FAT1: variants seen among roughly 807,000 people sequenced by gnomAD.
The protein encoded by FAT1 is FAT atypical cadherin 1.
FAT1 carries 171 observed loss-of-function variants against 329.8 expected under a neutral mutation model. That is an observed-to-expected ratio of 0.52 (90% CI 0.46 to 0.59). The LOEUF (loss-of-function observed/expected upper bound fraction) is 0.59, where lower values mean the gene tolerates loss of function less well. FAT1 is among the 20% of genes least tolerant of loss of function. The pLI, the probability that FAT1 is intolerant of heterozygous loss-of-function variation, is 0.00. For missense variants in FAT1, 5,672 were observed against 5,774.4 expected (o/e 0.98, Z 0.57); for synonymous variants, 2,233 against 2,228.6 (o/e 1.00, Z -0.06).
At chr4:186,700,997 G>A (rs1744281934) in intron 2 of FAT1, among the ~76,000 whole-genome samples, 1 of 152,190 alleles carries the variant, frequency 6.6e-6, no homozygotes, top group Non-Finnish European at 1.5e-5. Flanking sequence ...TCACAGCACG[G>A]TAAGCGTCAC....
intron 3 of FAT1, among the ~76,000 whole-genome samples, chr4:186,659,897 T>C (rs572339170): frequency 2.0e-5 from 3 of 147,126 alleles, no homozygotes; most frequent in African/African-American, 7.6e-5. Context: ...GCTCCTGCAC[T>C]CTACACACAC....
At chr4:186,721,057 A>G (rs1745449625) in intron 1 of FAT1, among the ~76,000 whole-genome samples, 1 of 152,250 alleles carries the variant, frequency 6.6e-6, no homozygotes, top group South Asian at 2.1e-4. Flanking sequence ...TCTGTGTTGC[A>G]GATTATCACA....
chr4:186,698,892 A>G (rs1241906380), intron 2 of FAT1, among the ~76,000 whole-genome samples: 1 of 152,226 alleles, frequency 6.6e-6, no homozygotes, highest in Non-Finnish European at 1.5e-5. Context: ...CACACCATAA[A>G]CTACATCAAC....
Position 186,708,157 on chromosome 4 carries a change from A to G in FAT1, c.1671T>C (p.Ile557=). The change falls in exon 2 of 27, where the codon ATT becomes ATC. Residue 557 remains isoleucine, a synonymous_variant. Transcript: ENST00000441802. Reference sequence around the variant, plus strand: ...TGTTGTCATTCAAGTTATTGAGAGTAATTGTAGCAAGGACTTCGACTTCCC... The same window carrying G: ...TGTTGTCATTCAAGTTATTGAGAGTGATTGTAGCAAGGACTTCGACTTCCC... The part of the protein sequence containing the change: ...YRREVEVLAT[I]TLNNLNDNTP... 1 of 1,613,990 alleles carries G rather than the reference A, an allele frequency of 6.2e-7. No individual in the cohort carries two copies. The highest frequency in any genetic ancestry group is 8.5e-7 in the Non-Finnish European group (1 of 1,179,892).
At position 186,606,199 on chromosome 4, in the gene FAT1, C is replaced by T. The variant is rs371432120; in HGVS notation, c.10221G>A (p.Thr3407=). Residue 3407 remains threonine (T), a synonymous_variant, in exon 17 of 27, where the codon ACG becomes ACA. Coordinates refer to ENST00000441802, the MANE Select transcript of FAT1 (RefSeq NM_005245.4). ...CATTATCAGAAGCTTGAACCGTGAG[C>T]GTGTAACCTGAAATCTTTTCAGGCA... The part of the protein sequence containing the change: ...LLDRETISGY[T]LTVQASDNGS... 24 of 1,612,166 alleles carry T rather than the reference C, an allele frequency of 1.5e-5. No individual in the cohort carries two copies. The highest frequency in any genetic ancestry group is 9.4e-5 in the African/African-American group (7 of 74,548).
At chr4:186,590,608 G>C (rs1191724493) in intron 26 of FAT1, 1 of 457,736 alleles carries the variant, frequency 2.2e-6, no homozygotes, top group East Asian at 6.9e-5. Flanking sequence ...TATGGAAGTG[G>C]AGGAAAGTGA....
chr4:186,708,038 T>A lies in FAT1; in HGVS notation c.1790A>T (p.Asp597Val), dbSNP rs774912464. 6.2e-7 allele frequency: 1 copy of A among 1,614,002 alleles called. No homozygotes were observed. Among genetic ancestry groups the A allele is most frequent in the Non-Finnish European group, 8.5e-7 (1 of 1,179,894 alleles). Residue 597 changes from aspartate (D) to valine (V), a missense_variant, in exon 2 of 27, where the codon GAT (aspartate) becomes GTT (valine). This residue lies in a region of FAT1 where 3,966 missense variants were observed against 3,915.2 expected (regional missense o/e 1.01). Coordinates refer to ENST00000441802, the MANE Select transcript of FAT1 (RefSeq NM_005245.4). ...QITTVSAIDA[D>V]ELQLVQYQIE... ...CTGATACTGTACCAACTGAAGTTCA[T>A]CTGCATCAATAGCAGAAACAGTGGT...
At chr4:186,704,416 C>T (rs989945566) in intron 2 of FAT1, among the ~76,000 whole-genome samples, 13 of 151,838 alleles carry the variant, frequency 8.6e-5, no homozygotes, top group Non-Finnish European at 1.8e-4. Context: ...ATACTAGTTT[C>T]GAAATGATTC....
chr4:186,679,731 A>G (rs1743126800), intron 2 of FAT1, among the ~76,000 whole-genome samples: 1 of 152,222 alleles, frequency 6.6e-6, no homozygotes, highest in East Asian at 1.9e-4. Context: ...TCTACAGTTT[A>G]GAAGATGATT....
intron 2 of FAT1, among the ~76,000 whole-genome samples, chr4:186,699,374 T>C (rs539549703): frequency 2.8e-4 from 42 of 152,360 alleles, no homozygotes; most frequent in Non-Finnish European, 5.0e-4. Flanking sequence ...TTCAACAGGT[T>C]GAGCCACTCG....
At chr4:186,711,084 G>GAAAA (rs1744926656) in intron 1 of FAT1, among the ~76,000 whole-genome samples, 1 of 152,178 alleles carries the variant, frequency 6.6e-6, no homozygotes, top group African/African-American at 2.4e-5. Context: ...CACAAAATGT[G>GAAAA]AATGCTACCA....
intron 9 of FAT1, among the ~76,000 whole-genome samples, chr4:186,623,221 G>A (rs911149545): frequency 2.6e-5 from 4 of 152,232 alleles, no homozygotes; most frequent in Non-Finnish European, 5.9e-5. Flanking sequence ...AACCCTGGCC[G>A]AGAACTGGGT....
intron 9 of FAT1, among the ~76,000 whole-genome samples, chr4:186,622,753 A>C (rs1740107576): frequency 2.0e-5 from 3 of 152,194 alleles, no homozygotes; most frequent in Admixed American, 2.0e-4. Context: ...GCAGGTTCTC[A>C]GGTTTAATCC....
chr4:186,589,357 T>C lies in FAT1; in HGVS notation c.13139-137A>G, dbSNP rs116088545. On this transcript the variant is annotated intron_variant, in intron 26 of 26. Coordinates refer to ENST00000441802, the MANE Select transcript of FAT1 (RefSeq NM_005245.4). ...TTCAAAGTTCACCACTGGAAATTCC[T>C]CGTCTTTGCTTTGAAGACATCCCCC... 1.4e-5 allele frequency: 14 copies of C among 988,996 alleles called. No homozygotes were observed. In the African/African-American group the frequency reaches 2.3e-4, roughly 16 times the overall value. The allele number at this position is 988,996 out of a possible 1,614,324, so 61.3% of individuals were successfully genotyped here. A position where few individuals can be genotyped will look rare whatever the true frequency, so the allele number is the denominator to read the frequency against.
Position 186,663,367 on chromosome 4 carries a change from T to C in FAT1, c.3512A>G (p.Asn1171Ser). Residue 1171 changes from asparagine (N) to serine (S), a missense_variant, in exon 3 of 27, where the codon AAT (asparagine) becomes AGT (serine). By Grantham distance (46) the Asn-to-Ser change is conservative. This residue lies in a region of FAT1 where 3,966 missense variants were observed against 3,915.2 expected (regional missense o/e 1.01). Transcript: ENST00000441802. ...IEAFDPDSSS[N>S]DKLMYKITSG... ...TGTAATTTTGTACATGAGCTTGTCA[T>C]TAGAGCTCGAATCTGGATCAAATGC... 6.2e-7 allele frequency: 1 copy of C among 1,614,028 alleles called. No individual in the cohort carries two copies. The highest frequency in any genetic ancestry group is 8.5e-7 in the Non-Finnish European group (1 of 1,179,878).
At position 186,621,092 on chromosome 4, in the gene FAT1, C is replaced by T. The variant is rs2126522087; in HGVS notation, c.5494G>A (p.Val1832Ile). ...IDSSTGAIHTVLSLDYEETSI... is the reference protein window; with the variant it reads ...IDSSTGAIHTILSLDYEETSI... The stretch of plus-strand genomic sequence containing the variant: ...GTTTCTTCATAGTCCAGACTTAGTA[C>T]TGTATGAATAGCACCAGTGCTAGAA... Residue 1832 changes from valine (V) to isoleucine (I), a missense_variant, in exon 10 of 27, where the codon GTA becomes ATA. Coordinates refer to ENST00000441802, the MANE Select transcript of FAT1 (RefSeq NM_005245.4). 1 of 1,613,642 alleles carries T rather than the reference C, an allele frequency of 6.2e-7. No homozygotes were observed. Among genetic ancestry groups the T allele is most frequent in the Middle Eastern group, 1.6e-4 (1 of 6,062 alleles).
At chr4:186,606,009 G>A (rs2126446468) in intron 17 of FAT1, 61 bp downstream of exon 17, 2 of 1,490,226 alleles carry the variant, frequency 1.3e-6, no homozygotes, top group Non-Finnish European at 1.8e-6. Flanking sequence ...AAAAGCAACA[G>A]AGGCCAATGG....
In FAT1 at chr4:186,620,389, A is replaced by G. The variant is rs1739976208; in HGVS notation, c.6197T>C (p.Val2066Ala). ...EHKPSAVAHVVVKVIVEDQND... is the reference protein window; with the variant it reads ...EHKPSAVAHVAVKVIVEDQND... ...TTGGTCTTCTACAATGACCTTCACG[A>G]CAACGTGGGCCACTGCAGAAGGCTT... The change falls in exon 10 of 27, where the codon GTC becomes GCC. Residue 2066 changes from valine (V) to alanine (A), a missense_variant. By Grantham distance (64) the Val-to-Ala change is moderately conservative. Coordinates refer to ENST00000441802, the MANE Select transcript of FAT1 (RefSeq NM_005245.4). 6.2e-7 allele frequency: 1 copy of G among 1,613,900 alleles called. No homozygotes were observed. Among genetic ancestry groups the G allele is most frequent in the Non-Finnish European group, 8.5e-7 (1 of 1,179,910 alleles).
Position 186,595,827 on chromosome 4 carries a change from C to T in FAT1, c.13001-1G>A. ...CAGGGATCAAGATCCACCACTTTTG[C>T]TAAAAGGAAGGATGACAAACAGTAA... On this transcript the variant is annotated splice_acceptor_variant, in intron 25 of 26. Transcript: ENST00000441802. LOFTEE classifies it high-confidence loss of function. The T allele has an allele frequency of 6.2e-7, 1 of 1,613,816 alleles. No homozygotes were observed. Among genetic ancestry groups the T allele is most frequent in the East Asian group, 2.2e-5 (1 of 44,878 alleles).
Sources: allele counts gnomAD v4.1 joint callset (sites outside exome capture counted in the v4.1 genomes callset), GRCh38; gene constraint gnomAD v4.1.1; regional missense constraint gnomAD v4.1.1; transcripts MANE v1.5; gene names NCBI Gene and HGNC (gene_info 2026-07-23, HGNC 2026-07-21).